Variants in CCDC141 observed in about 807,000 individuals in gnomAD.
CCDC141 encodes the protein coiled-coil domain-containing protein 141.
CCDC141 carries 168 observed loss-of-function variants against 181.0 expected under a neutral mutation model. The ratio of observed to expected loss-of-function variants is 0.93; its 90% CI spans 0.82 to 1.05. The LOEUF (loss-of-function observed/expected upper bound fraction) is 1.05, where lower values mean the gene tolerates loss of function less well. Ranked by LOEUF, CCDC141 falls within the 50% of genes least tolerant of loss-of-function variation. The probability of loss-of-function intolerance (pLI) is 0.00; values close to 1 mark genes in which losing one functional copy is unlikely to be tolerated. For synonymous variants in CCDC141, 666 were observed against 642.3 expected (o/e 1.04, Z -0.56); for missense variants, 1,902 against 1,788.5 (o/e 1.06, Z -1.14).
At chr2:179,001,201 C>T (rs996288491) in intron 2 of CCDC141, among the ~76,000 whole-genome samples, 5 of 152,144 alleles carry the variant, frequency 3.3e-5, no homozygotes, top group African/African-American at 1.2e-4. Context: ...AATTTGGTAG[C>T]ATATATTAAA....
intron 2 of CCDC141, among the ~76,000 whole-genome samples, chr2:179,016,208 G>T (rs1056642700): frequency 7.3e-6 from 1 of 137,800 alleles, no homozygotes; most frequent in African/African-American, 2.7e-5. Flanking sequence ...AAGAGTGAGG[G>T]GGGTGAGGGA....
intron 8 of CCDC141, among the ~76,000 whole-genome samples, chr2:178,903,522 C>T (rs1195089896): frequency 2.7e-5 from 4 of 146,280 alleles, no homozygotes; most frequent in Admixed American, 7.1e-5. Context: ...AACCAAACAC[C>T]GCATATTCTC....
intron 20 of CCDC141, among the ~76,000 whole-genome samples, chr2:178,851,774 A>G (rs1197013649): frequency 1.3e-5 from 2 of 152,212 alleles, no homozygotes; most frequent in Non-Finnish European, 2.9e-5. Flanking sequence ...CAAGGACTAG[A>G]CTGTGGTCTC....
chr2:178,856,234 T>C, intron 18 of CCDC141, 23 bp downstream of exon 18: 1 of 1,590,518 alleles, frequency 6.3e-7, no homozygotes, highest in Non-Finnish European at 8.6e-7. Flanking sequence ...TGCGCACATA[T>C]ACAAACCATA....
chr2:178,970,491 G>A (rs1267264098), intron 4 of CCDC141, among the ~76,000 whole-genome samples: 4 of 152,272 alleles, frequency 2.6e-5, no homozygotes, highest in Admixed American at 2.6e-4. Context: ...TCTGATCTTT[G>A]ACAAACCTGA....
intron 14 of CCDC141, among the ~76,000 whole-genome samples, chr2:178,870,569 A>G (rs1686073444): frequency 6.6e-6 from 1 of 152,154 alleles, no homozygotes; most frequent in Non-Finnish European, 1.5e-5. Flanking sequence ...ATTTGCTGAG[A>G]GTTTTATAAG....
the CCDC141 span, among the ~76,000 whole-genome samples, chr2:178,823,732 G>A: frequency 6.6e-6 from 1 of 152,056 alleles, no homozygotes; most frequent in Non-Finnish European, 1.5e-5. Context: ...TTATATCTGA[G>A]GTTGCTATAT....
At chr2:178,846,394 G>A (rs1200170026) in intron 21 of CCDC141, among the ~76,000 whole-genome samples, 1 of 152,184 alleles carries the variant, frequency 6.6e-6, no homozygotes, top group East Asian at 1.9e-4. Context: ...TATCACACAT[G>A]ATAGAACACA....
At chr2:178,815,544 T>C in the CCDC141 span, among the ~76,000 whole-genome samples, 1 of 151,960 alleles carries the variant, frequency 6.6e-6, no homozygotes, top group Non-Finnish European at 1.5e-5. Flanking sequence ...AGATTGTGAT[T>C]TGGGGACACT....
Position 178,988,019 on chromosome 2 carries a change from C to G in CCDC141, c.226-9344G>C, listed in dbSNP as rs1490522720. Among the ~76,000 whole-genome samples the G allele has an allele frequency of 3.3e-5, 5 of 151,702 alleles. No homozygotes were observed. The East Asian group carries it at 5.8e-4, about 18-fold the overall frequency. On this transcript the variant is annotated intron_variant, in intron 2 of 23. Coordinates refer to ENST00000443758, the MANE Select transcript of CCDC141 (RefSeq NM_173648.4). ...ATGCTGCTATAAAGACACATGCACA[C>G]GTATGTTTACTGCGGCACTATTCAC...
chr2:178,900,497 G>GT (rs951770781), intron 8 of CCDC141, among the ~76,000 whole-genome samples: 1 of 152,012 alleles, frequency 6.6e-6, no homozygotes, highest in Non-Finnish European at 1.5e-5. Flanking sequence ...ATTTCATAGA[G>GT]TTTTTTGTTT....
downstream of CCDC141, among the ~76,000 whole-genome samples, chr2:178,827,281 G>A (rs1684141098): frequency 6.6e-6 from 1 of 152,054 alleles, no homozygotes; most frequent in Admixed American, 6.6e-5. Context: ...GGTCTATCTT[G>A]GAAAATGCTC....
downstream of CCDC141, among the ~76,000 whole-genome samples, chr2:178,827,511 C>T (rs180731052): frequency 1.3e-5 from 2 of 152,276 alleles, no homozygotes; most frequent in East Asian, 1.9e-4. Flanking sequence ...CCCCCTCCCT[C>T]GACCCCTGTT....
At chr2:178,847,774 CGATAGT>C (rs1685002406) in intron 21 of CCDC141, among the ~76,000 whole-genome samples, 1 of 151,978 alleles carries the variant, frequency 6.6e-6, no homozygotes, top group Non-Finnish European at 1.5e-5. Context: ...ATCCTTAAGG[CGATAGT>C]ATTAGGAGAT....
intron 2 of CCDC141, among the ~76,000 whole-genome samples, chr2:179,038,252 A>G (rs2043197958): frequency 6.6e-6 from 1 of 152,228 alleles, no homozygotes; most frequent in Non-Finnish European, 1.5e-5. Flanking sequence ...GCTAAGTGAA[A>G]TAAGTCAGGC....
intron 20 of CCDC141, among the ~76,000 whole-genome samples, chr2:178,851,347 C>T (rs547421191): frequency 1.3e-5 from 2 of 152,152 alleles, no homozygotes; most frequent in African/African-American, 4.8e-5. Flanking sequence ...TATGTCCCCC[C>T]ATCCTGCCAA....
chr2:178,877,625 T>C (rs978953089), intron 12 of CCDC141: 6 of 319,688 alleles, frequency 1.9e-5, no homozygotes, highest in African/African-American at 6.5e-5. Context: ...CTTTAGCCCC[T>C]AGAAATTTTG....
In CCDC141 at chr2:178,837,649, G is replaced by A. The variant is rs141247912; in HGVS notation, c.3570C>T (p.Gly1190=). Residue 1190 remains glycine, a synonymous_variant, in exon 23 of 24, where the codon GGC becomes GGT. Transcript: ENST00000443758. ...CTTCAGGCAGGAGCAGGTCCTGGAC[G>A]CCACCCTCCTTGTCAGTGGACACCT... ...DLKVSTDKEG[G]VQDLLLPEDM... 5 of 1,613,978 alleles carry A rather than the reference G, an allele frequency of 3.1e-6. No individual in the cohort carries two copies. The highest frequency in any genetic ancestry group is 1.7e-5 in the Admixed American group (1 of 60,010).
chr2:178,946,519 G>A (rs995000378), intron 5 of CCDC141, among the ~76,000 whole-genome samples: 6 of 152,092 alleles, frequency 3.9e-5, no homozygotes, highest in Admixed American at 2.6e-4. Flanking sequence ...TAAAGTGGGA[G>A]GGACTTGACA....
Sources: allele counts gnomAD v4.1 joint callset (sites outside exome capture counted in the v4.1 genomes callset), GRCh38; gene constraint gnomAD v4.1.1; transcripts MANE v1.5; gene names NCBI Gene and HGNC (gene_info 2026-07-23, HGNC 2026-07-21).